Variants in ITGB5 observed in about 807,000 individuals in gnomAD.
The protein encoded by ITGB5 is integrin beta-5.
Under a neutral mutation model 84.8 loss-of-function variants are expected in ITGB5, and 38 were observed. That is an observed-to-expected ratio of 0.45 (90% CI 0.35 to 0.59). The LOEUF (loss-of-function observed/expected upper bound fraction) is 0.59. ITGB5 is among the 20% of genes least tolerant of loss of function. ITGB5 has a pLI of 0.01. For missense variants in ITGB5, 905 were observed against 1,034.5 expected (o/e 0.87, Z 1.72); for synonymous variants, 393 against 414.4 (o/e 0.95, Z 0.63).
chr3:124,857,157 T>C (rs1333519323), intron 3 of ITGB5: 2 of 152,208 alleles, frequency 1.3e-5, no homozygotes, highest in Non-Finnish European at 2.9e-5. Flanking sequence ...GACTTGGAGC[T>C]TTCTTTAAAA....
intron 12 of ITGB5, among the ~76,000 whole-genome samples, chr3:124,767,741 G>A (rs1004347637): frequency 4.6e-5 from 7 of 152,168 alleles, no homozygotes; most frequent in Non-Finnish European, 7.4e-5. Flanking sequence ...CACAGTAGGC[G>A]CTCAACGAAT....
intron 5 of ITGB5, among the ~76,000 whole-genome samples, chr3:124,832,616 CCA>C (rs1488925925): frequency 6.6e-6 from 1 of 152,140 alleles, no homozygotes; most frequent in Non-Finnish European, 1.5e-5. Flanking sequence ...GCCAGTCCTT[CCA>C]CAGAGTCTGT....
intron 3 of ITGB5, among the ~76,000 whole-genome samples, chr3:124,851,337 C>A (rs1408267509): frequency 1.3e-5 from 2 of 152,150 alleles, no homozygotes; most frequent in Non-Finnish European, 2.9e-5. Flanking sequence ...AATGTTCCTA[C>A]ACAAAGAAAA....
At chr3:124,775,463 A>C (rs1167877805) in intron 10 of ITGB5, among the ~76,000 whole-genome samples, 7 of 152,052 alleles carry the variant, frequency 4.6e-5, no homozygotes, top group Non-Finnish European at 1.0e-4. Context: ...AAAAGACTAG[A>C]TAGCACCGTC....
intron 5 of ITGB5, among the ~76,000 whole-genome samples, chr3:124,824,209 T>C (rs1377174224): frequency 6.6e-6 from 1 of 152,224 alleles, no homozygotes; most frequent in Non-Finnish European, 1.5e-5. Context: ...ATCAAGGCTA[T>C]GGTCATGACA....
intron 12 of ITGB5, among the ~76,000 whole-genome samples, chr3:124,768,036 C>A (rs191267813): frequency 2.6e-4 from 39 of 152,310 alleles, no homozygotes; most frequent in African/African-American, 9.1e-4. Context: ...TGCCACTGCA[C>A]TCCAGCCTGG....
At chr3:124,892,087 A>G (rs999897830), upstream of ITGB5, among the ~76,000 whole-genome samples, 15 of 152,178 alleles carry the variant, frequency 9.9e-5, no homozygotes, top group Non-Finnish European at 2.1e-4. Context: ...TCCACATACT[A>G]TGTATAAAGT....
intron 3 of ITGB5, among the ~76,000 whole-genome samples, chr3:124,849,246 A>C (rs1177081199): frequency 6.6e-6 from 1 of 152,212 alleles, no homozygotes; most frequent in African/African-American, 2.4e-5. Context: ...AACTCCAGAG[A>C]AAGACCCAGT....
intron 5 of ITGB5, among the ~76,000 whole-genome samples, chr3:124,825,194 C>T (rs1007553322): frequency 7.2e-5 from 9 of 125,094 alleles, no homozygotes; most frequent in African/African-American, 3.0e-4. Context: ...GAGACTCCGT[C>T]TCAAAAAAAA....
rs150913005 is a variant in ITGB5, at chr3:124,859,113, C to T, written c.361+129G>A. 192 of 825,580 alleles carry T rather than the reference C, an allele frequency of 2.3e-4. 3 individuals are homozygous for T. The East Asian group carries it at 4.8e-3, about 21-fold the overall frequency. 51.1% of individuals were successfully genotyped at this position (825,580 alleles called of 1,614,324 possible). On this transcript the variant is annotated intron_variant, in intron 3 of 14. Coordinates refer to ENST00000296181, the MANE Select transcript of ITGB5 (RefSeq NM_002213.5). ...CTGCTTCCTGAGGTCTGAGCCTTGC[C>T]TCCCCATCACCATCTCGTGGCTCTG...
chr3:124,778,758 T>C (rs1480033078), intron 10 of ITGB5, among the ~76,000 whole-genome samples: 1 of 151,902 alleles, frequency 6.6e-6, no homozygotes, highest in Non-Finnish European at 1.5e-5. Flanking sequence ...GATGGGGAAA[T>C]GAAGGAATCA....
intron 10 of ITGB5, among the ~76,000 whole-genome samples, chr3:124,786,672 C>T (rs79681467): frequency 1.4e-3 from 218 of 152,264 alleles, no homozygotes; most frequent in South Asian, 3.5e-3. Flanking sequence ...CTTGGAGCAA[C>T]TTCCAGACTC....
chr3:124,773,935 TCAG>T (rs778851175), intron 10 of ITGB5, 23 bp from the exon 11 acceptor site: 26 of 1,605,332 alleles, frequency 1.6e-5, no homozygotes, highest in Non-Finnish European at 2.2e-5. Flanking sequence ...ATGTGGCACA[TCAG>T]CACCTGCTCA....
intron 2 of ITGB5, among the ~76,000 whole-genome samples, chr3:124,865,481 C>CT (rs59446328): frequency 0.21 from 19,341 of 92,314 alleles, 2,694 homozygotes; most frequent in African/African-American, 0.24. Context: ...CGGCTTTTTT[C>CT]TTTTTTTTTT....
intron 1 of ITGB5, among the ~76,000 whole-genome samples, chr3:124,898,993 T>C (rs1935167636): frequency 1.3e-5 from 2 of 151,460 alleles, no homozygotes; most frequent in Admixed American, 6.6e-5. Flanking sequence ...GAGAATCACT[T>C]GAACCAGGGA....
chr3:124,789,162 G>A (rs957426586), intron 10 of ITGB5, among the ~76,000 whole-genome samples: 3 of 152,266 alleles, frequency 2.0e-5, no homozygotes, highest in African/African-American at 7.2e-5. Context: ...GAGCCCCAAG[G>A]ACGGCTGCCA....
intron 2 of ITGB5, among the ~76,000 whole-genome samples, chr3:124,872,717 C>T (rs555743359): frequency 6.6e-6 from 1 of 152,230 alleles, no homozygotes; most frequent in African/African-American, 2.4e-5. Flanking sequence ...CTGATTAGTC[C>T]ACCAAGTTAC....
chr3:124,880,350 T>C (rs1332266010), intron 1 of ITGB5, among the ~76,000 whole-genome samples: 1 of 152,224 alleles, frequency 6.6e-6, no homozygotes, highest in African/African-American at 2.4e-5. Flanking sequence ...ACCATACTAA[T>C]GTAAGATGTT....
intron 1 of ITGB5, among the ~76,000 whole-genome samples, chr3:124,881,855 C>A (rs1410381653): frequency 1.3e-5 from 2 of 152,154 alleles, no homozygotes; most frequent in African/African-American, 4.8e-5. Context: ...GTAATCCCAG[C>A]TACTCGGGAG....
Sources: allele counts gnomAD v4.1 joint callset (sites outside exome capture counted in the v4.1 genomes callset), GRCh38; gene constraint gnomAD v4.1.1; transcripts MANE v1.5; gene names NCBI Gene and HGNC (gene_info 2026-07-23, HGNC 2026-07-21).